The following LRRTM3 variants were observed in gnomAD, a reference collection of about 807,000 sequenced individuals.
LRRTM3 encodes leucine rich repeat transmembrane neuronal 3, also known as leucine-rich repeat transmembrane neuronal protein 3.
In LRRTM3, 24 loss-of-function variants were observed where a neutral mutation model predicts 44.7. The ratio of observed to expected loss-of-function variants is 0.54; its 90% CI spans 0.39 to 0.76. The LOEUF (loss-of-function observed/expected upper bound fraction) is 0.76. Among genes scored for constraint, LRRTM3 ranks in the 30% least tolerant of loss-of-function variants. LRRTM3 has a pLI of 0.00. For synonymous variants in LRRTM3, 277 were observed against 278.7 expected, an observed-to-expected ratio of 0.99 and a Z score of 0.06; for missense variants, 587 against 702.2, an observed-to-expected ratio of 0.84 and a Z score of 1.85.
rs940206680 is a variant in LRRTM3 at position 67,036,572 on chromosome 10, T to G, written c.1537-61015T>G. ...ATTTTTGGTAGAGACAAGGTCTCCA[T>G]GTTGCCCAGGCTAGTATCAAAATCT... On this transcript the variant is annotated intron_variant, in intron 2 of 2. Coordinates refer to ENST00000361320, the MANE Select transcript of LRRTM3 (RefSeq NM_178011.5). 1.2e-4 allele frequency among the ~76,000 whole-genome samples: 18 copies of G among 152,124 alleles called. 1 individual carries two copies. Among genetic ancestry groups the G allele is most frequent in the African/African-American group, 4.1e-4 (17 of 41,420 alleles).
intron 2 of LRRTM3, among the ~76,000 whole-genome samples, chr10:67,074,328 C>T (rs1158977563): frequency 6.9e-6 from 1 of 145,246 alleles, no homozygotes; most frequent in Non-Finnish European, 1.5e-5. Flanking sequence ...CCGTGCCCAG[C>T]TGCCACTTTA....
rs776927402 is a variant in LRRTM3, at chr10:66,946,389, CT to C, written c.1536+17944del. Reference sequence around the variant, plus strand: ...GACATTTGTATAGTTTAAACAAAAACTTTTTTTGTTGGCATATAATATACAT... The same window carrying C: ...GACATTTGTATAGTTTAAACAAAAACTTTTTTGTTGGCATATAATATACAT... On this transcript the variant is annotated intron_variant, in intron 2 of 2. Coordinates refer to ENST00000361320, the MANE Select transcript of LRRTM3 (RefSeq NM_178011.5). Among the ~76,000 whole-genome samples, 116 of 152,198 alleles carry C rather than the reference CT, an allele frequency of 7.6e-4. 1 individual carries two copies. Among genetic ancestry groups the C allele is most frequent in the Non-Finnish European group, 1.3e-3 (88 of 67,984 alleles).
intron 2 of LRRTM3, among the ~76,000 whole-genome samples, chr10:67,064,178 C>T (rs918810359): frequency 2.6e-5 from 4 of 152,076 alleles, no homozygotes; most frequent in Non-Finnish European, 5.9e-5. Context: ...TTTCATCTTA[C>T]ATCATTAGAA....
At chr10:67,081,063 T>C (rs1857037129) in intron 2 of LRRTM3, among the ~76,000 whole-genome samples, 1 of 152,230 alleles carries the variant, frequency 6.6e-6, no homozygotes, top group Admixed American at 6.5e-5. Flanking sequence ...TAAACTATGA[T>C]GCTTTCCAGT....
chr10:67,079,575 C>T (rs554771722), intron 2 of LRRTM3, among the ~76,000 whole-genome samples: 10 of 152,036 alleles, frequency 6.6e-5, no homozygotes, highest in African/African-American at 2.2e-4. Context: ...CACAGCCCAG[C>T]GCGGTGGCTC....
At chr10:67,026,183 C>A (rs941135267) in intron 2 of LRRTM3, among the ~76,000 whole-genome samples, 3 of 148,356 alleles carry the variant, frequency 2.0e-5, no homozygotes, top group African/African-American at 7.5e-5. Context: ...GGGTGCAGCA[C>A]ACCAGCATGG....
intron 2 of LRRTM3, among the ~76,000 whole-genome samples, chr10:66,951,100 C>T (rs991453190): frequency 4.0e-5 from 6 of 150,298 alleles, no homozygotes; most frequent in Non-Finnish European, 8.9e-5. Context: ...CACACACACA[C>T]ACACACACAC....
Position 67,099,406 on chromosome 10 carries a change from C to A in LRRTM3, c.*1610C>A, listed in dbSNP as rs1180738035. 1 of 150,856 alleles carries A rather than the reference C, an allele frequency of 6.6e-6. No individual in the cohort carries two copies. Among genetic ancestry groups the A allele is most frequent in the Non-Finnish European group, 1.5e-5 (1 of 67,604 alleles). 9.3% of individuals were successfully genotyped at this position (150,856 alleles called of 1,614,324 possible). A position where few individuals can be genotyped will look rare whatever the true frequency, so the allele number is the denominator to read the frequency against. ...TTTATGTTGTCATTTTATATTCATGCCATCAAAAGTAGATTGACAATACAT... is the reference window on the plus strand; with the variant it reads ...TTTATGTTGTCATTTTATATTCATGACATCAAAAGTAGATTGACAATACAT... On this transcript the variant is annotated 3_prime_UTR_variant, in exon 3 of 3. Transcript: ENST00000361320.
At chr10:67,092,087 C>CA (rs34522676) in intron 2 of LRRTM3, among the ~76,000 whole-genome samples, 82,001 of 151,742 alleles carry the variant, frequency 0.54, 23,460 homozygotes, top group African/African-American at 0.74. Flanking sequence ...TCGATAGTGA[C>CA]AAGGACTACA....
At chr10:66,945,837 C>A (rs138251929) in intron 2 of LRRTM3, among the ~76,000 whole-genome samples, 2 of 151,970 alleles carry the variant, frequency 1.3e-5, no homozygotes, top group African/African-American at 4.8e-5. Flanking sequence ...TAGGGAGGCC[C>A]ACAGTAAGGG....
intron 2 of LRRTM3, among the ~76,000 whole-genome samples, chr10:67,073,773 A>T (rs1335610547): frequency 6.6e-6 from 1 of 152,216 alleles, no homozygotes; most frequent in Non-Finnish European, 1.5e-5. Flanking sequence ...AGCTTCCAAA[A>T]TTCTCATGAA....
chr10:67,072,257 T>A (rs750258134), intron 2 of LRRTM3, among the ~76,000 whole-genome samples: 21 of 152,172 alleles, frequency 1.4e-4, no homozygotes, highest in African/African-American at 5.1e-4. Flanking sequence ...CCCAACCTGT[T>A]TGATTATTTT....
chr10:67,019,776 T>G (rs1033231025), intron 2 of LRRTM3, among the ~76,000 whole-genome samples: 1 of 152,134 alleles, frequency 6.6e-6, no homozygotes, highest in African/African-American at 2.4e-5. Flanking sequence ...ACCCTGTTTG[T>G]CCTATTTGAC....
chr10:67,037,087 G>C (rs1240513783), intron 2 of LRRTM3, among the ~76,000 whole-genome samples: 2 of 152,078 alleles, frequency 1.3e-5, no homozygotes, highest in Admixed American at 6.5e-5. Flanking sequence ...AAGGAAGAGA[G>C]GCATTTGACT....
chr10:67,003,647 CAAGT>C (rs1246988975), intron 2 of LRRTM3, among the ~76,000 whole-genome samples: 15 of 152,232 alleles, frequency 9.9e-5, no homozygotes, highest in African/African-American at 3.6e-4. Flanking sequence ...ATTACTTTTT[CAAGT>C]GAGTCTTATT....
intron 2 of LRRTM3, among the ~76,000 whole-genome samples, chr10:66,988,769 T>C (rs1850872444): frequency 6.6e-6 from 1 of 152,058 alleles, no homozygotes; most frequent in Admixed American, 6.6e-5. Flanking sequence ...AGGTGCAATT[T>C]TTTTCCTACT....
chr10:67,091,911 A>T (rs1177662866), intron 2 of LRRTM3, among the ~76,000 whole-genome samples: 1 of 152,092 alleles, frequency 6.6e-6, no homozygotes, highest in Non-Finnish European at 1.5e-5. Context: ...TTAAAGACAA[A>T]TTAGAGAAAT....
chr10:67,097,462 C>A, intron 2 of LRRTM3, 125 bp from the exon 3 acceptor site: 1 of 750,894 alleles, frequency 1.3e-6, no homozygotes. Context: ...TATAGGGACA[C>A]CTGGGCCACA....
chr10:67,000,374 G>A (rs950474057), intron 2 of LRRTM3, among the ~76,000 whole-genome samples: 10 of 152,120 alleles, frequency 6.6e-5, no homozygotes, highest in Admixed American at 3.3e-4. Flanking sequence ...AGTTGATGGC[G>A]AATTGGCACA....
Sources: allele counts gnomAD v4.1 joint callset (sites outside exome capture counted in the v4.1 genomes callset), GRCh38; gene constraint gnomAD v4.1.1; transcripts MANE v1.5; gene names NCBI Gene and HGNC (gene_info 2026-07-23, HGNC 2026-07-21).